FSTL5: variants seen among roughly 807,000 people sequenced by gnomAD.
FSTL5 encodes the protein follistatin-related protein 5.
In FSTL5, 62 loss-of-function variants were observed where a neutral mutation model predicts 89.1. The observed-to-expected ratio is 0.70, with a 90% confidence interval of 0.57 to 0.86. The LOEUF (loss-of-function observed/expected upper bound fraction) is 0.86. Among genes scored for constraint, FSTL5 ranks in the 40% least tolerant of loss-of-function variants. The pLI is 0.00. For synonymous variants in FSTL5, 383 were observed against 346.2 expected, an observed-to-expected ratio of 1.11 and a Z score of -1.18; for missense variants, 1,057 against 1,001.6, an observed-to-expected ratio of 1.06 and a Z score of -0.75.
chr4:161,807,281 G>A (rs888616505), intron 4 of FSTL5, among the ~76,000 whole-genome samples: 1 of 151,536 alleles, frequency 6.6e-6, no homozygotes, highest in African/African-American at 2.4e-5. Flanking sequence ...GCCCAGCCTG[G>A]TTTCAAACTC....
chr4:161,465,231 C>T (rs1733711912), intron 13 of FSTL5, among the ~76,000 whole-genome samples: 1 of 152,028 alleles, frequency 6.6e-6, no homozygotes, highest in Non-Finnish European at 1.5e-5. Flanking sequence ...ATAGGATTCT[C>T]TTCCTGTAAC....
intron 1 of FSTL5, among the ~76,000 whole-genome samples, chr4:162,126,268 T>C (rs981178564): frequency 6.6e-6 from 1 of 152,070 alleles, no homozygotes; most frequent in Non-Finnish European, 1.5e-5. Context: ...CCGTTCTTTG[T>C]ATCTTAAAAT....
chr4:162,018,370 G>C (rs1291073329), intron 3 of FSTL5, among the ~76,000 whole-genome samples: 1 of 152,132 alleles, frequency 6.6e-6, no homozygotes, highest in African/African-American at 2.4e-5. Context: ...AAGTTTTACA[G>C]TGTTAGAATA....
chr4:161,600,460 A>G (rs1235480079), intron 7 of FSTL5, among the ~76,000 whole-genome samples: 2 of 152,012 alleles, frequency 1.3e-5, no homozygotes, highest in Admixed American at 1.3e-4. Flanking sequence ...ATTGTAAGTG[A>G]CCTACATAAA....
At chr4:161,523,539 A>T (rs1171099720) in intron 10 of FSTL5, among the ~76,000 whole-genome samples, 1 of 152,226 alleles carries the variant, frequency 6.6e-6, no homozygotes, top group Non-Finnish European at 1.5e-5. Context: ...TTGTGAATGC[A>T]CTGGTTTTAT....
At chr4:161,775,762 T>C (rs1741385902) in intron 5 of FSTL5, 116 bp downstream of exon 5, 1 of 534,312 alleles carries the variant, frequency 1.9e-6, no homozygotes, top group African/African-American at 2.0e-5. Context: ...ATTCATATAC[T>C]TTTCAATAAT....
At chr4:162,099,653 A>C (rs1730908208) in intron 2 of FSTL5, among the ~76,000 whole-genome samples, 1 of 152,206 alleles carries the variant, frequency 6.6e-6, no homozygotes, top group African/African-American at 2.4e-5. Flanking sequence ...ATAATAAGAA[A>C]AAATATTTAC....
intron 15 of FSTL5, among the ~76,000 whole-genome samples, chr4:161,422,529 G>T (rs1732026624): frequency 6.6e-6 from 1 of 152,076 alleles, no homozygotes; most frequent in Non-Finnish European, 1.5e-5. Flanking sequence ...TGATCATAGA[G>T]AAGGTGATGA....
chr4:162,149,430 G>A (rs754024977), intron 1 of FSTL5, among the ~76,000 whole-genome samples: 9 of 151,808 alleles, frequency 5.9e-5, no homozygotes, highest in Non-Finnish European at 1.0e-4. Context: ...TTCAAGAACA[G>A]CATGGGCAAC....
intron 3 of FSTL5, among the ~76,000 whole-genome samples, chr4:162,010,374 G>C (rs1406460830): frequency 6.6e-6 from 1 of 152,142 alleles, no homozygotes; most frequent in Non-Finnish European, 1.5e-5. Context: ...ATCAAGAGAA[G>C]TTAAATATTA....
intron 2 of FSTL5, among the ~76,000 whole-genome samples, chr4:162,090,393 A>G (rs1170463015): frequency 6.6e-6 from 1 of 152,202 alleles, no homozygotes; most frequent in Admixed American, 6.5e-5. Flanking sequence ...TTAAATTTAC[A>G]AAAGAAAAAC....
At chr4:161,604,825 T>G (rs1344274107) in intron 7 of FSTL5, among the ~76,000 whole-genome samples, 1 of 152,144 alleles carries the variant, frequency 6.6e-6, no homozygotes, top group Non-Finnish European at 1.5e-5. Context: ...GCCTGAGCAT[T>G]GAGGAAGTTG....
chr4:161,996,841 T>C (rs931763358), intron 3 of FSTL5, among the ~76,000 whole-genome samples: 2 of 152,240 alleles, frequency 1.3e-5, no homozygotes, highest in South Asian at 2.1e-4. Context: ...AAGTATAATA[T>C]CTATTGCTAA....
chr4:161,970,302 CTT>C (rs1735445871), intron 3 of FSTL5, among the ~76,000 whole-genome samples: 2 of 152,002 alleles, frequency 1.3e-5, no homozygotes, highest in South Asian at 4.2e-4. Context: ...GCAAGTTTAT[CTT>C]GATATATCAG....
In FSTL5 at chr4:161,926,600, A is replaced by T. The variant is rs528604461; in HGVS notation, c.161-5948T>A. Among the ~76,000 whole-genome samples the T allele has an allele frequency of 2.0e-5, 3 of 151,854 alleles. No individual in the cohort carries two copies. In the East Asian group the frequency reaches 5.8e-4, roughly 29 times the overall value. ...TGAGATCAGTACCTAATATGGCAAC[A>T]GTTATTTCTTATTTGATGTTCTCAA... On this transcript the variant is annotated intron_variant, in intron 3 of 15. Coordinates refer to ENST00000306100, the MANE Select transcript of FSTL5 (RefSeq NM_020116.5).
chr4:162,132,663 C>T (rs1359692679), intron 1 of FSTL5, among the ~76,000 whole-genome samples: 1 of 152,086 alleles, frequency 6.6e-6, no homozygotes, highest in Non-Finnish European at 1.5e-5. Flanking sequence ...GATGTGCAAA[C>T]TATCTTTGCT....
In FSTL5 at chr4:162,054,482, G is replaced by A. The variant is rs140504576; in HGVS notation, c.127-20824C>T. ...AATTGTATAAGGACAGAGAAAAAAC[G>A]AATGACATTACCACTATTTGATAAA... On this transcript the variant is annotated intron_variant, in intron 2 of 15. Transcript: ENST00000306100. Among the ~76,000 whole-genome samples the A allele has an allele frequency of 1.2e-3, 175 of 151,750 alleles. 2 individuals carry two copies. Among genetic ancestry groups the A allele is most frequent in the South Asian group, 7.1e-3 (34 of 4,814 alleles).
intron 7 of FSTL5, among the ~76,000 whole-genome samples, chr4:161,640,142 C>T (rs1735899194): frequency 6.6e-6 from 1 of 151,996 alleles, no homozygotes; most frequent in African/African-American, 2.4e-5. Context: ...ACACAGCCTA[C>T]AACAATAAAT....
At position 161,677,036 on chromosome 4, in the gene FSTL5, CCTTT is replaced by C. The variant is rs199545805; in HGVS notation, c.728-20546_728-20543del. Reference sequence around the variant, plus strand: ...TGAATGAATCTATATGTACAATTCCCCTTTCTTTCTTCATGTGCAATGCAATTTT... The same window carrying C: ...TGAATGAATCTATATGTACAATTCCCCTTTCTTCATGTGCAATGCAATTTT... On this transcript the variant is annotated intron_variant, in intron 6 of 15. Coordinates refer to ENST00000306100, the MANE Select transcript of FSTL5 (RefSeq NM_020116.5). 6.0e-3 allele frequency among the ~76,000 whole-genome samples: 915 copies of C among 151,980 alleles called. 9 individuals carry two copies. Among genetic ancestry groups the C allele is most frequent in the South Asian group, 0.046 (221 of 4,812 alleles).
Sources: allele counts gnomAD v4.1 joint callset (sites outside exome capture counted in the v4.1 genomes callset), GRCh38; gene constraint gnomAD v4.1.1; transcripts MANE v1.5; gene names NCBI Gene and HGNC (gene_info 2026-07-23, HGNC 2026-07-21).